Variants in CENPP observed in about 807,000 individuals in gnomAD.
CENPP encodes the protein centromere protein P.
CENPP carries 24 observed loss-of-function variants against 35.6 expected under a neutral mutation model. The observed-to-expected ratio is 0.67, with a 90% CI of 0.49 to 0.95. The LOEUF (loss-of-function observed/expected upper bound fraction) is 0.95. Ranked by LOEUF, CENPP falls within the 40% of genes least tolerant of loss-of-function variation. The probability of loss-of-function intolerance (pLI) is 0.00; values close to 1 mark genes in which losing one functional copy is unlikely to be tolerated. For synonymous variants in CENPP, 120 were observed against 125.5 expected (o/e 0.96, Z 0.29); for missense variants, 332 against 345.3 (o/e 0.96, Z 0.31).
At chr9:92,446,126 T>G (rs180690296) in intron 5 of CENPP, among the ~76,000 whole-genome samples, 264 of 152,330 alleles carry the variant, frequency 1.7e-3, no homozygotes, top group African/African-American at 6.0e-3. Flanking sequence ...ACCAGGACTT[T>G]ATACAAATGA....
At chr9:92,559,115 G>A (rs945133439) in intron 5 of CENPP, among the ~76,000 whole-genome samples, 7 of 152,130 alleles carry the variant, frequency 4.6e-5, no homozygotes, top group African/African-American at 1.7e-4. Context: ...CTGGATTCGC[G>A]CCCTCCCCCA....
chr9:92,398,765 C>A (rs997286570), intron 5 of CENPP, among the ~76,000 whole-genome samples: 3 of 152,120 alleles, frequency 2.0e-5, no homozygotes, highest in Non-Finnish European at 4.4e-5. Flanking sequence ...TGGAGTATAT[C>A]ATCAAGGTAA....
chr9:92,577,906 A>G (rs2131362699), intron 5 of CENPP, among the ~76,000 whole-genome samples: 1 of 150,466 alleles, frequency 6.6e-6, no homozygotes, highest in South Asian at 2.1e-4. Context: ...CCACTAACTC[A>G]TCATCTACCA....
intron 5 of CENPP, among the ~76,000 whole-genome samples, chr9:92,567,379 T>TAGATATATAG (rs1000558894): frequency 1.1e-5 from 1 of 90,456 alleles, no homozygotes; most frequent in East Asian, 2.2e-4. Context: ...GATAGATATA[T>TAGATATATAG]ATATATATAT....
At chr9:92,405,757 A>T (rs547556813) in intron 5 of CENPP, among the ~76,000 whole-genome samples, 2 of 152,202 alleles carry the variant, frequency 1.3e-5, no homozygotes, top group Non-Finnish European at 2.9e-5. Context: ...TTAATGGTAC[A>T]CTTTGATGCT....
intron 5 of CENPP, 61 bp from the exon 6 acceptor site, chr9:92,611,253 C>A: frequency 7.2e-7 from 1 of 1,394,652 alleles, no homozygotes; most frequent in Admixed American, 1.7e-5. Flanking sequence ...CCCCGTGCCC[C>A]TCCCATGGCC....
At position 92,325,970 on chromosome 9, in the gene CENPP, G is replaced by C. The variant is rs888199855; in HGVS notation, c.-29G>C. ...CGCAGGTCGGAGTGACAGCTGCGCT[G>C]CCGGCCCGGCTGCGGTCAGCAACGC... On this transcript the variant is annotated 5_prime_UTR_variant, in exon 1 of 8. Transcript: ENST00000375587. The C allele has an allele frequency of 6.5e-7, 1 of 1,536,656 alleles. No individual in the cohort carries two copies. Among genetic ancestry groups the C allele is most frequent in the Non-Finnish European group, 8.8e-7 (1 of 1,135,378 alleles).
intron 5 of CENPP, among the ~76,000 whole-genome samples, chr9:92,527,588 C>T (rs978631754): frequency 6.6e-6 from 1 of 152,152 alleles, no homozygotes; most frequent in East Asian, 1.9e-4. Context: ...TGCTTCACAA[C>T]CTAAGACAAG....
chr9:92,558,268 G>T (rs1249441543), intron 5 of CENPP, among the ~76,000 whole-genome samples: 2 of 152,162 alleles, frequency 1.3e-5, no homozygotes, highest in Non-Finnish European at 2.9e-5. Flanking sequence ...ATTTAGGTAG[G>T]TTCTATCAGA....
chr9:92,416,858 G>A (rs144969310), intron 5 of CENPP: 10 of 1,613,936 alleles, frequency 6.2e-6, no homozygotes, highest in Non-Finnish European at 8.5e-6. Context: ...ATACATAAGT[G>A]AAGAAGGCAA....
At chr9:92,573,076 G>A (rs566620464) in intron 5 of CENPP, among the ~76,000 whole-genome samples, 13 of 152,132 alleles carry the variant, frequency 8.5e-5, no homozygotes, top group African/African-American at 2.4e-4. Flanking sequence ...ATTACCAGTC[G>A]TCTGAAGCCT....
chr9:92,611,257 C>T (rs1361478034), intron 5 of CENPP, 57 bp from the exon 6 acceptor site: 1 of 1,427,686 alleles, frequency 7.0e-7, no homozygotes, highest in Non-Finnish European at 9.9e-7. Context: ...GTGCCCCTCC[C>T]ATGGCCCCTT....
chr9:92,479,741 T>G (rs1199660028), intron 5 of CENPP, among the ~76,000 whole-genome samples: 3 of 152,206 alleles, frequency 2.0e-5, no homozygotes, highest in Non-Finnish European at 4.4e-5. Flanking sequence ...CATTTGTGTA[T>G]CCTGGTTGCT....
intron 5 of CENPP, among the ~76,000 whole-genome samples, chr9:92,492,605 C>G (rs947746425): frequency 2.0e-5 from 3 of 152,128 alleles, no homozygotes; most frequent in African/African-American, 7.2e-5. Context: ...TCTTTCTCCC[C>G]TCGTTGGTAA....
chr9:92,341,771 T>C (rs1841127867), intron 3 of CENPP: 1 of 152,314 alleles, frequency 6.6e-6, no homozygotes, highest in Admixed American at 6.5e-5. Flanking sequence ...CCTGCTGCTG[T>C]GGCCACACTC....
At chr9:92,513,178 C>T (rs1210475470) in intron 5 of CENPP, among the ~76,000 whole-genome samples, 1 of 152,220 alleles carries the variant, frequency 6.6e-6, no homozygotes, top group Non-Finnish European at 1.5e-5. Flanking sequence ...CAGCCAGCCT[C>T]TCACACCTGG....
At chr9:92,470,674 G>T in intron 5 of CENPP, 1 of 1,470,862 alleles carries the variant, frequency 6.8e-7, no homozygotes, top group Non-Finnish European at 9.4e-7. Flanking sequence ...CTTACATAAA[G>T]TGAAGTGAGT....
At chr9:92,377,397 A>C (rs1299545231) in intron 4 of CENPP, among the ~76,000 whole-genome samples, 5 of 152,218 alleles carry the variant, frequency 3.3e-5, no homozygotes, top group Non-Finnish European at 7.3e-5. Context: ...AAGTCAAGAC[A>C]AACAATTCCT....
chr9:92,497,211 T>C (rs577721195), intron 5 of CENPP, among the ~76,000 whole-genome samples: 2 of 152,328 alleles, frequency 1.3e-5, no homozygotes, highest in South Asian at 4.1e-4. Context: ...TGGAAACACA[T>C]GTCTATCAAT....
Sources: allele counts gnomAD v4.1 joint callset (sites outside exome capture counted in the v4.1 genomes callset), GRCh38; gene constraint gnomAD v4.1.1; transcripts MANE v1.5; gene names NCBI Gene and HGNC (gene_info 2026-07-23, HGNC 2026-07-21).